The following SP4 variants were observed in gnomAD, a reference collection of about 807,000 sequenced individuals.
SP4 encodes the protein transcription factor Sp4.
SP4 carries 19 observed loss-of-function variants against 72.8 expected under a neutral mutation model. That is an observed-to-expected ratio of 0.26 (90% confidence interval 0.18 to 0.38). The LOEUF is 0.38. Among genes scored for constraint, SP4 ranks in the 10% least tolerant of loss-of-function variants. The probability of loss-of-function intolerance (pLI) is 1.00; values close to 1 mark genes in which losing one functional copy is unlikely to be tolerated. For missense variants in SP4, 1,008 were observed against 926.3 expected (o/e 1.09, Z -1.14); for synonymous variants, 395 against 333.1 (o/e 1.19, Z -2.02).
chr7:21,498,195 A>AAAAAATAATACAAATT (rs1781773126), intron 5 of SP4, among the ~76,000 whole-genome samples: 1 of 152,182 alleles, frequency 6.6e-6, no homozygotes, highest in African/African-American at 2.4e-5. Flanking sequence ...TAAAAACTGT[A>AAAAAATAATACAAATT]AAAAATAATA....
At chr7:21,473,309 T>C (rs1784403677) in intron 3 of SP4, among the ~76,000 whole-genome samples, 1 of 152,168 alleles carries the variant, frequency 6.6e-6, no homozygotes, top group African/African-American at 2.4e-5. Flanking sequence ...AGGTTTTCAG[T>C]GTGGATAACA....
chr7:21,455,239 C>T (rs1029594765), intron 3 of SP4, among the ~76,000 whole-genome samples: 4 of 152,196 alleles, frequency 2.6e-5, no homozygotes, highest in African/African-American at 9.6e-5. Flanking sequence ...GGAAGTTTGA[C>T]TTCCAGTAGC....
chr7:21,428,975 T>A, intron 2 of SP4, 183 bp downstream of exon 2: 1 of 602,126 alleles, frequency 1.7e-6, no homozygotes, highest in Non-Finnish European at 2.9e-6. Context: ...TAACGCTGTT[T>A]AAAATTACAT....
In SP4 at chr7:21,513,544, A is replaced by T. The variant is rs1422880886; in HGVS notation, c.*2275A>T. On this transcript the variant is annotated 3_prime_UTR_variant, in exon 6 of 6. Transcript: ENST00000222584. ...ATATAGGAGCTGAAACATCAAATAT[A>T]TATTTTATCTATCATTATGCTACAC... 1 of 152,552 alleles carries T rather than the reference A, an allele frequency of 6.6e-6. No individual in the cohort carries two copies. The highest frequency in any genetic ancestry group is 1.5e-5 in the Non-Finnish European group (1 of 67,992). 9.4% of individuals were successfully genotyped at this position (152,552 alleles called of 1,614,324 possible).
intron 3 of SP4, among the ~76,000 whole-genome samples, chr7:21,445,632 T>G (rs11971907): frequency 2.0e-5 from 3 of 152,136 alleles, no homozygotes; most frequent in African/African-American, 4.8e-5. Flanking sequence ...ATTATTGCTG[T>G]TTTTAGTAGA....
At chr7:21,486,779 A>T (rs1583435457) in intron 5 of SP4, among the ~76,000 whole-genome samples, 1 of 152,336 alleles carries the variant, frequency 6.6e-6, no homozygotes, top group East Asian at 1.9e-4. Context: ...TGTTAGAAGC[A>T]AGTCACTAAG....
intron 5 of SP4, among the ~76,000 whole-genome samples, chr7:21,494,165 C>G (rs1023286452): frequency 2.0e-5 from 3 of 152,162 alleles, no homozygotes; most frequent in African/African-American, 7.2e-5. Flanking sequence ...TGCTAGAAAT[C>G]TGCAGTTAAC....
chr7:21,440,348 C>T (rs1038091702), intron 3 of SP4, among the ~76,000 whole-genome samples: 1 of 152,134 alleles, frequency 6.6e-6, no homozygotes, highest in African/African-American at 2.4e-5. Flanking sequence ...GAGGTGGTAA[C>T]TTGGTGACAT....
Position 21,481,993 on chromosome 7 carries a change from C to T in SP4, c.1977C>T (p.Gly659=). The T allele has an allele frequency of 5.0e-6, 8 of 1,613,846 alleles. No homozygotes were observed. Among genetic ancestry groups the T allele is most frequent in the Non-Finnish European group, 6.8e-6 (8 of 1,179,788 alleles). Residue 659 remains glycine, a synonymous_variant, in exon 5 of 6, where the codon GGC becomes GGT. Coordinates refer to ENST00000222584, the MANE Select transcript of SP4 (RefSeq NM_003112.5). ...TTGAAGGATGTGGTAAAGTTTATGG[C>T]AAAACATCTCATTTACGAGCACATC... ...CHIEGCGKVY[G]KTSHLRAHLR...
intron 5 of SP4, among the ~76,000 whole-genome samples, chr7:21,500,409 T>C (rs55908918): frequency 0.022 from 3,284 of 152,322 alleles, 121 homozygotes; most frequent in African/African-American, 0.074. Context: ...CACACACTTA[T>C]TACCTCATAG....
At chr7:21,456,497 C>G (rs911714924) in intron 3 of SP4, among the ~76,000 whole-genome samples, 2 of 152,118 alleles carry the variant, frequency 1.3e-5, no homozygotes, top group African/African-American at 4.8e-5. Context: ...ACAAGGGAGC[C>G]CCTGTCTGCT....
chr7:21,438,283 T>C (rs535283360), intron 3 of SP4, among the ~76,000 whole-genome samples: 1 of 152,310 alleles, frequency 6.6e-6, no homozygotes, highest in African/African-American at 2.4e-5. Flanking sequence ...ATATATTTTA[T>C]TTCGTTCTGG....
chr7:21,428,895 C>G, intron 2 of SP4, 103 bp downstream of exon 2: 1 of 895,648 alleles, frequency 1.1e-6, no homozygotes, highest in Admixed American at 2.9e-5. Context: ...TGTTTATCCA[C>G]TCAAAGCATC....
chr7:21,435,896 TAG>T (rs1483749448), intron 3 of SP4, among the ~76,000 whole-genome samples: 1 of 150,410 alleles, frequency 6.6e-6, no homozygotes, highest in African/African-American at 2.5e-5. Context: ...CAAAGGAAAA[TAG>T]AGTTTTTTGT....
At chr7:21,447,018 C>T (rs531389991) in intron 3 of SP4, among the ~76,000 whole-genome samples, 11 of 152,294 alleles carry the variant, frequency 7.2e-5, no homozygotes, top group African/African-American at 2.6e-4. Context: ...GCCACATGTC[C>T]AGCCTTCAGC....
In SP4 at chr7:21,509,454, G is replaced by A. The variant is rs1259822134; in HGVS notation, c.2108-1568G>A. Among the ~76,000 whole-genome samples, 7 of 136,160 alleles carry A rather than the reference G, an allele frequency of 5.1e-5. No homozygotes were observed. The Admixed American group carries it at 5.5e-4, about 11-fold the overall frequency. The allele number at this position is 136,160 out of a possible 152,430, so 89.3% of individuals were successfully genotyped here. A position where few individuals can be genotyped will look rare whatever the true frequency, so the allele number is the denominator to read the frequency against. The stretch of plus-strand genomic sequence containing the variant: ...TTTTTAAAGTACCTTCAAACTCTAG[G>A]TTATAGAAATATTTTCCTTTTTTTT... On this transcript the variant is annotated intron_variant, in intron 5 of 5. Coordinates refer to ENST00000222584, the MANE Select transcript of SP4 (RefSeq NM_003112.5).
At chr7:21,495,468 G>T (rs555330361) in intron 5 of SP4, among the ~76,000 whole-genome samples, 1 of 151,878 alleles carries the variant, frequency 6.6e-6, no homozygotes, top group East Asian at 1.9e-4. Context: ...ATATGTATGT[G>T]ACGGAAAAGT....
intron 5 of SP4, among the ~76,000 whole-genome samples, chr7:21,494,275 T>G (rs1785052324): frequency 6.6e-6 from 1 of 152,172 alleles, no homozygotes; most frequent in Admixed American, 6.5e-5. Context: ...GTACTGGAAT[T>G]TCTACCCAGT....
At chr7:21,465,854 C>T (rs1478429849) in intron 3 of SP4, among the ~76,000 whole-genome samples, 1 of 152,056 alleles carries the variant, frequency 6.6e-6, no homozygotes, top group Non-Finnish European at 1.5e-5. Flanking sequence ...CAGAGCAAGA[C>T]CCTGTCTCTT....
Sources: allele counts gnomAD v4.1 joint callset (sites outside exome capture counted in the v4.1 genomes callset), GRCh38; gene constraint gnomAD v4.1.1; transcripts MANE v1.5; gene names NCBI Gene and HGNC (gene_info 2026-07-23, HGNC 2026-07-21).